DHRS12: variants seen among roughly 807,000 people sequenced by gnomAD.
The protein encoded by DHRS12 is dehydrogenase/reductase SDR family member 12.
A neutral mutation model predicts 32.1 loss-of-function variants in DHRS12; 29 were observed. The observed-to-expected ratio is 0.90, with a 90% CI of 0.67 to 1.23. The LOEUF is 1.23. Among genes scored for constraint, DHRS12 ranks in the 50% most tolerant of loss-of-function variants. The pLI is 0.00. For missense variants in DHRS12, 330 were observed against 337.2 expected (o/e 0.98, Z 0.17); for synonymous variants, 150 against 135.9 (o/e 1.10, Z -0.72).
At chr13:51,756,270 A>C in the DHRS12 span, 3 of 1,558,966 alleles carry the variant, frequency 1.9e-6, no homozygotes, top group Non-Finnish European at 1.7e-6. Flanking sequence ...GAGGGGTGAG[A>C]TGCGGGGGCC....
chr13:51,767,781 CGGGGGGGG>C (rs71085096), downstream of DHRS12: 13 of 4,698 alleles, frequency 2.8e-3, 3 homozygotes, highest in Admixed American at 9.3e-3. Flanking sequence ...TCTCCTGGGG[CGGGGGGGG>C]GGGGGGGGTG....
At chr13:51,799,807 GCCCT>G in intron 1 of DHRS12, 140 bp from the exon 2 acceptor site, 1 of 942,102 alleles carries the variant, frequency 1.1e-6, no homozygotes, top group Middle Eastern at 3.0e-4. Flanking sequence ...TTTCTCCCTT[GCCCT>G]CCCTGCTCTC....
At chr13:51,789,785 A>G in intron 4 of DHRS12, 1 of 985,452 alleles carries the variant, frequency 1.0e-6, no homozygotes, top group Non-Finnish European at 1.2e-6. Context: ...TAGGAAAAAA[A>G]ACACTTCAAT....
the DHRS12 span, chr13:51,755,366 A>G: frequency 6.2e-7 from 1 of 1,614,176 alleles, no homozygotes; most frequent in Non-Finnish European, 8.5e-7. Flanking sequence ...AGACCCCTGA[A>G]TGGTTGGACA....
rs1008839487 is a variant in DHRS12, at chr13:51,773,061, T to C, written c.468+869A>G. ...AGCGGGTGAATTTAAGGGCAAGAAC[T>C]GTAAATATGGAAGTTATATATATCC... On this transcript the variant is annotated intron_variant, in intron 6 of 8. Coordinates refer to ENST00000444610, the MANE Select transcript of DHRS12 (RefSeq NM_001377533.1). The C allele has an allele frequency of 1.3e-5, 13 of 985,304 alleles. No individual in the cohort carries two copies. In the African/African-American group the frequency reaches 1.9e-4, roughly 15 times the overall value. The allele number at this position is 985,304 out of a possible 1,614,324, so 61.0% of individuals were successfully genotyped here. A position where few individuals can be genotyped will look rare whatever the true frequency, so the allele number is the denominator to read the frequency against.
At chr13:51,801,082 G>C (rs1955732740) in intron 1 of DHRS12, among the ~76,000 whole-genome samples, 1 of 152,220 alleles carries the variant, frequency 6.6e-6, no homozygotes, top group Non-Finnish European at 1.5e-5. Flanking sequence ...CTCATCTGCA[G>C]AAAGGGAATA....
intron 6 of DHRS12, chr13:51,772,533 G>T (rs1954079165): frequency 1.3e-6 from 1 of 743,920 alleles, no homozygotes; most frequent in Non-Finnish European, 1.6e-6. Flanking sequence ...TGTAATCCCA[G>T]CTACTCAGGA....
intron 6 of DHRS12, among the ~76,000 whole-genome samples, chr13:51,772,394 G>A (rs534907761): frequency 3.9e-5 from 6 of 152,200 alleles, no homozygotes; most frequent in South Asian, 4.2e-4. Context: ...TTTGGGAGGC[G>A]GGACGATCAC....
chr13:51,758,089 T>G, the DHRS12 span: 1 of 715,880 alleles, frequency 1.4e-6, no homozygotes, highest in East Asian at 2.8e-5. Flanking sequence ...AGTGAAGCAG[T>G]TTTAGCCACG....
At chr13:51,770,082 G>C (rs558645244) in intron 7 of DHRS12, among the ~76,000 whole-genome samples, 22 of 152,226 alleles carry the variant, frequency 1.4e-4, no homozygotes, top group Non-Finnish European at 2.5e-4. Flanking sequence ...GCCTTACTGA[G>C]ATCATGGAAT....
At chr13:51,797,235 G>C (rs1955548391) in intron 2 of DHRS12, among the ~76,000 whole-genome samples, 1 of 152,182 alleles carries the variant, frequency 6.6e-6, no homozygotes, top group Non-Finnish European at 1.5e-5. Context: ...CTCAAGCTTG[G>C]TTTAATGTCC....
chr13:51,771,101 T>C, intron 7 of DHRS12: 1 of 1,467,502 alleles, frequency 6.8e-7, no homozygotes, highest in Non-Finnish European at 9.0e-7. Context: ...CCCTCATCTG[T>C]AAATGGGTGT....
chr13:51,768,130 C>G lies in DHRS12; in HGVS notation c.*57G>C. On this transcript the variant is annotated 3_prime_UTR_variant, in exon 9 of 9. Coordinates refer to ENST00000444610, the MANE Select transcript of DHRS12 (RefSeq NM_001377533.1). ...GTCTTCTTATTCACTGGTCCCTAGA[C>G]CGCACCTTCTGGTATCTTCTAAGGC... is the stretch of plus-strand genomic sequence containing the variant. The G allele has an allele frequency of 6.5e-7, 1 of 1,534,642 alleles. No homozygotes were observed. Among genetic ancestry groups the G allele is most frequent in the Non-Finnish European group, 8.7e-7 (1 of 1,145,972 alleles).
intron 7 of DHRS12, chr13:51,770,799 A>G (rs1222547750): frequency 5.9e-6 from 6 of 1,025,138 alleles, no homozygotes; most frequent in Non-Finnish European, 5.9e-6. Flanking sequence ...TGGTATCTTC[A>G]TTTAATGATA....
the DHRS12 span, chr13:51,761,093 T>C: frequency 6.6e-6 from 1 of 152,240 alleles, no homozygotes; most frequent in African/African-American, 2.4e-5. Context: ...AAACTAGATA[T>C]TTAAACATTT....
At chr13:51,787,929 ACTT>A (rs1955066723) in intron 4 of DHRS12, among the ~76,000 whole-genome samples, 1 of 18,274 alleles carries the variant, frequency 5.5e-5, no homozygotes, top group African/African-American at 1.7e-4. Context: ...TATAATATAT[ACTT>A]ATATATATAA....
chr13:51,765,849 G>A (rs1953729654), downstream of DHRS12: 1 of 152,202 alleles, frequency 6.6e-6, no homozygotes, highest in African/African-American at 2.4e-5. Context: ...ATTAAAAATA[G>A]ATACCTCAAA....
chr13:51,802,490 C>T (rs1037864885), intron 1 of DHRS12, among the ~76,000 whole-genome samples: 1 of 152,190 alleles, frequency 6.6e-6, no homozygotes, highest in Non-Finnish European at 1.5e-5. Context: ...ATCTGTGTCT[C>T]CCCACACCCT....
intron 2 of DHRS12, among the ~76,000 whole-genome samples, chr13:51,793,046 C>A (rs1955350715): frequency 6.6e-6 from 1 of 152,004 alleles, no homozygotes. Context: ...CAATCTCTGC[C>A]TTGTATCATG....
Sources: allele counts gnomAD v4.1 joint callset (sites outside exome capture counted in the v4.1 genomes callset), GRCh38; gene constraint gnomAD v4.1.1; transcripts MANE v1.5; gene names NCBI Gene and HGNC (gene_info 2026-07-23, HGNC 2026-07-21).